Variants in DPP6 observed in about 807,000 individuals in gnomAD.
DPP6 encodes the protein A-type potassium channel modulatory protein DPP6.
DPP6 carries 69 observed loss-of-function variants against 122.6 expected under a neutral mutation model. The observed-to-expected ratio is 0.56, with a 90% CI of 0.46 to 0.69. DPP6 has a LOEUF of 0.69. Ranked by LOEUF, DPP6 falls within the 30% of genes least tolerant of loss-of-function variation. DPP6 has a pLI of 0.00. For missense variants in DPP6, 928 were observed against 1,116.9 expected, an observed-to-expected ratio of 0.83 and a Z score of 2.41; for synonymous variants, 418 against 433.1, an observed-to-expected ratio of 0.97 and a Z score of 0.43.
chr7:154,061,163 G>A (rs1250635465), intron 1 of DPP6, among the ~76,000 whole-genome samples: 212 of 148,604 alleles, frequency 1.4e-3, no homozygotes, highest in African/African-American at 4.5e-3. Context: ...GAGCTGTGGG[G>A]TTTTGTAGAC....
chr7:153,852,314 A>C, the DPP6 span, among the ~76,000 whole-genome samples: 1 of 152,110 alleles, frequency 6.6e-6, no homozygotes, highest in Non-Finnish European at 1.5e-5. Context: ...CGAGTTCTAT[A>C]GGATGTGTGG....
At chr7:154,333,117 A>G (rs1809100098) in intron 1 of DPP6, among the ~76,000 whole-genome samples, 2 of 152,194 alleles carry the variant, frequency 1.3e-5, no homozygotes, top group Admixed American at 1.3e-4. Flanking sequence ...GGCTGTTTTA[A>G]TAGTTCTGCT....
intron 2 of DPP6, among the ~76,000 whole-genome samples, chr7:154,448,015 G>C (rs1349138760): frequency 1.3e-5 from 2 of 152,192 alleles, no homozygotes; most frequent in Non-Finnish European, 2.9e-5. Context: ...GGAGATGGTA[G>C]ACAAGGATGT....
At chr7:154,498,043 G>A (rs1448118879) in intron 3 of DPP6, among the ~76,000 whole-genome samples, 6 of 152,174 alleles carry the variant, frequency 3.9e-5, no homozygotes, top group Admixed American at 6.5e-5. Context: ...GGGTGAAACC[G>A]AGCATGGGAG....
At chr7:153,772,286 G>A in the DPP6 span, among the ~76,000 whole-genome samples, 1 of 152,302 alleles carries the variant, frequency 6.6e-6, no homozygotes, top group Admixed American at 6.5e-5. Context: ...GTTTCACCAT[G>A]TTGGCCAGGC....
intron 1 of DPP6, among the ~76,000 whole-genome samples, chr7:154,439,963 C>T (rs554702428): frequency 2.4e-4 from 37 of 152,178 alleles, no homozygotes; most frequent in Admixed American, 3.9e-4. Flanking sequence ...AGCAGTGAGA[C>T]GTCCCTTCTC....
intron 1 of DPP6, among the ~76,000 whole-genome samples, chr7:154,253,021 G>T (rs184634303): frequency 6.6e-6 from 1 of 152,142 alleles, no homozygotes; most frequent in Non-Finnish European, 1.5e-5. Context: ...TGGAAAGAAG[G>T]GCTGCCTGTA....
intron 9 of DPP6, among the ~76,000 whole-genome samples, chr7:154,772,439 C>G (rs932506926): frequency 6.6e-6 from 1 of 152,136 alleles, no homozygotes; most frequent in Non-Finnish European, 1.5e-5. Flanking sequence ...AGGACTTAAT[C>G]TCTCCCCATG....
chr7:154,196,682 C>T (rs1239150451), intron 1 of DPP6, among the ~76,000 whole-genome samples: 2 of 152,110 alleles, frequency 1.3e-5, no homozygotes, highest in African/African-American at 4.8e-5. Context: ...GCCAGTTGCC[C>T]CAAAGGCATT....
At chr7:154,138,435 ACT>A (rs1258617253) in intron 1 of DPP6, among the ~76,000 whole-genome samples, 4 of 152,202 alleles carry the variant, frequency 2.6e-5, no homozygotes, top group African/African-American at 9.7e-5. Context: ...CAGGCAGGTA[ACT>A]CTGTAATAGA....
At chr7:154,712,457 A>C (rs956959833) in intron 7 of DPP6, among the ~76,000 whole-genome samples, 1 of 152,234 alleles carries the variant, frequency 6.6e-6, no homozygotes, top group African/African-American at 2.4e-5. Flanking sequence ...CCTCTAGAGA[A>C]TTCCAGTGTA....
intron 1 of DPP6, among the ~76,000 whole-genome samples, chr7:154,345,424 A>C (rs1452220633): frequency 2.0e-5 from 3 of 152,134 alleles, no homozygotes; most frequent in Admixed American, 1.3e-4. Flanking sequence ...GAAAATTCTG[A>C]GGGGCTGGTC....
chr7:154,521,788 C>T (rs190384156), intron 3 of DPP6, among the ~76,000 whole-genome samples: 29 of 152,014 alleles, frequency 1.9e-4, no homozygotes, highest in Admixed American at 6.6e-4. Flanking sequence ...ATGTAATAAC[C>T]CTCCTCTCAG....
Position 154,446,224 on chromosome 7 carries a change from G to C in DPP6, c.254G>C (p.Gly85Ala), listed in dbSNP as rs1378942164. Residue 85 changes from glycine to alanine, a missense_variant, in exon 2 of 26, where the codon GGG becomes GCG. By Grantham distance (60) the Gly-to-Ala change is moderately conservative (BLOSUM62 0). Coordinates refer to ENST00000377770, the MANE Select transcript of DPP6 (RefSeq NM_130797.4). Reference sequence around the variant, plus strand: ...TGTTGCTGTTTTTAGGAGCTGGTGGGGAGTAACCCTCCGCAGAGGAATTGG... The same window carrying C: ...TGTTGCTGTTTTTAGGAGCTGGTGGCGAGTAACCCTCCGCAGAGGAATTGG... Reference protein sequence around the residue: ...SDGDEEDELVGSNPPQRNWKG... With the variant: ...SDGDEEDELVASNPPQRNWKG... The C allele has an allele frequency of 6.2e-7, 1 of 1,601,564 alleles. No homozygotes were observed. Among genetic ancestry groups the C allele is most frequent in the Non-Finnish European group, 8.5e-7 (1 of 1,173,842 alleles).
intron 11 of DPP6, among the ~76,000 whole-genome samples, chr7:154,795,281 G>A (rs1257228151): frequency 3.3e-5 from 5 of 152,204 alleles, no homozygotes; most frequent in South Asian, 4.1e-4. Flanking sequence ...AGCGCCTCCA[G>A]GTGACACATG....
chr7:154,868,903 G>A (rs1398942855), intron 18 of DPP6, among the ~76,000 whole-genome samples: 3 of 152,168 alleles, frequency 2.0e-5, no homozygotes, highest in African/African-American at 4.8e-5. Flanking sequence ...GCAGCCTTTT[G>A]GTGGTAAGTT....
chr7:153,786,630 T>C, the DPP6 span, among the ~76,000 whole-genome samples: 1 of 149,490 alleles, frequency 6.7e-6, no homozygotes, highest in Non-Finnish European at 1.5e-5. Flanking sequence ...TCCCAGCTAC[T>C]CGGGAGGCTG....
At chr7:154,206,729 G>C (rs1799469274) in intron 1 of DPP6, among the ~76,000 whole-genome samples, 1 of 152,208 alleles carries the variant, frequency 6.6e-6, no homozygotes, top group Admixed American at 6.5e-5. Flanking sequence ...TTTTACTGTA[G>C]AGCGATGGAA....
chr7:154,176,557 T>C (rs1299841087), intron 1 of DPP6, among the ~76,000 whole-genome samples: 1 of 152,266 alleles, frequency 6.6e-6, no homozygotes, highest in Non-Finnish European at 1.5e-5. Flanking sequence ...GTTTTCACTA[T>C]ATGTGTCTGC....
Sources: gnomAD v4.1 joint callset for allele counts (sites outside exome capture counted in the v4.1 genomes callset) on GRCh38, gnomAD v4.1.1 for gene constraint, MANE v1.5 for transcripts, NCBI Gene and HGNC (gene_info 2026-07-23, HGNC 2026-07-21) for gene names.